The following EPS8 variants were observed in gnomAD, a reference collection of about 807,000 sequenced individuals.
EPS8 encodes epidermal growth factor receptor kinase substrate 8.
Under a neutral mutation model 103.8 loss-of-function variants are expected in EPS8, and 42 were observed. That is an observed-to-expected ratio of 0.40 (90% confidence interval 0.32 to 0.52). The LOEUF is 0.52. Ranked by LOEUF, EPS8 falls within the 20% of genes least tolerant of loss-of-function variation. The probability of loss-of-function intolerance (pLI) is 0.40; values close to 1 mark genes in which losing one functional copy is unlikely to be tolerated. For missense variants in EPS8, 969 were observed against 1,005.1 expected, an observed-to-expected ratio of 0.96 and a Z score of 0.49; for synonymous variants, 344 against 344.6, an observed-to-expected ratio of 1.00 and a Z score of 0.02.
At chr12:15,680,851 C>A (rs963264053) in intron 3 of EPS8, among the ~76,000 whole-genome samples, 10 of 151,888 alleles carry the variant, frequency 6.6e-5, no homozygotes, top group Non-Finnish European at 1.2e-4. Context: ...AATAATACCC[C>A]CCAAAATTCA....
At position 15,629,011 on chromosome 12, in the gene EPS8, A is replaced by G. The variant is rs1205214353; in HGVS notation, c.2044+2431T>C. ...ATATATTTATTTAATGCCAAACTGTATTTTTGAGATATTTTAAAAAGGAAC... is the reference window on the plus strand; with the variant it reads ...ATATATTTATTTAATGCCAAACTGTGTTTTTGAGATATTTTAAAAAGGAAC... On this transcript the variant is annotated intron_variant, in intron 18 of 20. Coordinates refer to ENST00000281172, the MANE Select transcript of EPS8 (RefSeq NM_004447.6). 4.9e-4 allele frequency among the ~76,000 whole-genome samples: 74 copies of G among 152,182 alleles called. 1 individual carries two copies. The highest frequency in any genetic ancestry group is 4.8e-3 in the Admixed American group (74 of 15,286).
Position 15,641,819 on chromosome 12 carries a change from G to C in EPS8, c.1580C>G (p.Pro527Arg). 6.4e-7 allele frequency: 1 copy of C among 1,555,046 alleles called. No homozygotes were observed. Among genetic ancestry groups the C allele is most frequent in the Non-Finnish European group, 8.8e-7 (1 of 1,140,342 alleles). Residue 527 changes from proline to arginine, a missense_variant, in exon 16 of 21, where the codon CCA (proline) becomes CGA (arginine). Transcript: ENST00000281172. Reference sequence around the variant, plus strand: ...ATATTTCTTGGGTTGTGTTTTGAGTGGTTCATAATTTCTATAAAAAGAAAG... The same window carrying C: ...ATATTTCTTGGGTTGTGTTTTGAGTCGTTCATAATTTCTATAAAAAGAAAG... ...SNRHIDRNYE[P>R]LKTQPKKYAK...
chr12:15,665,736 T>C lies in EPS8; in HGVS notation c.736+20A>G. ...ACCCAAAGTAAGTGTTCAATAAGTA[T>C]TAATTCTAGGAAGACTCACAGTCCC... On this transcript the variant is annotated intron_variant, in intron 8 of 20. Transcript: ENST00000281172. The C allele has an allele frequency of 1.2e-6, 2 of 1,612,950 alleles. No individual in the cohort carries two copies. The highest frequency in any genetic ancestry group is 1.1e-5 in the South Asian group (1 of 90,886).
Position 15,769,685 on chromosome 12 carries a change from CCAAA to C in EPS8, c.-22+19472_-22+19475del, listed in dbSNP as rs989815586. Among the ~76,000 whole-genome samples the C allele has an allele frequency of 2.6e-5, 4 of 152,098 alleles. No individual in the cohort carries two copies. The highest frequency in any genetic ancestry group is 6.5e-5 in the Admixed American group (1 of 15,270). On this transcript the variant is annotated intron_variant, in intron 1 of 20. Coordinates refer to ENST00000281172, the MANE Select transcript of EPS8 (RefSeq NM_004447.6). The surrounding 1 kb of genome is among the most constrained non-coding windows in gnomAD (Gnocchi z 4.6). ...ATTCAAGACTCTATTGAATTTCTCC[CCAAA>C]CAATGAACATCTCTATATAGTAACT...
At position 15,678,178 on chromosome 12, in the gene EPS8, A is replaced by T. The variant is rs190349866; in HGVS notation, c.136+3048T>A. Among the ~76,000 whole-genome samples the T allele has an allele frequency of 1.7e-3, 252 of 152,308 alleles. 1 individual carries two copies. The highest frequency in any genetic ancestry group is 4.4e-3 in the African/African-American group (183 of 41,572). ...AACACTCCCAAAGCTACCTAAAAAA[A>T]AACTTCAACTAGAATCTGTTTATTG... On this transcript the variant is annotated intron_variant, in intron 3 of 20. Transcript: ENST00000281172.
rs1946601358 is a variant in EPS8 at position 15,721,989 on chromosome 12, G to A, written c.-21-39017C>T. Among the ~76,000 whole-genome samples the A allele has an allele frequency of 1.3e-5, 2 of 149,328 alleles. No individual in the cohort carries two copies. The highest frequency in any genetic ancestry group is 4.9e-5 in the African/African-American group (2 of 40,640). ...GCATACATACTTTTTTTTTTCAAAG[G>A]GGGCTACTGTCTGTCTGGTTTTATA... On this transcript the variant is annotated intron_variant, in intron 1 of 20. Transcript: ENST00000281172. The surrounding 1 kb of genome is among the most constrained non-coding windows in gnomAD (Gnocchi z 4.4).
At chr12:15,664,926 A>G (rs1229807117) in intron 8 of EPS8, 1 of 152,218 alleles carries the variant, frequency 6.6e-6, no homozygotes, top group Non-Finnish European at 1.5e-5. Context: ...AAGTAACACT[A>G]AGTTCTATGT....
chr12:15,719,783 C>A (rs1347997070), intron 1 of EPS8, among the ~76,000 whole-genome samples: 2 of 152,100 alleles, frequency 1.3e-5, no homozygotes, highest in Non-Finnish European at 2.9e-5. Flanking sequence ...TTCTCCTAAC[C>A]AAGTCTTAAT....
rs1245927271 is a variant in EPS8, at chr12:15,749,357, C to A, written c.-22+39804G>T. On this transcript the variant is annotated intron_variant, in intron 1 of 20. Transcript: ENST00000281172. The surrounding 1 kb of genome is among the most constrained non-coding windows in gnomAD (Gnocchi z 4.0). ...TTCTTATTTGCTTGTCTATCACTTA[C>A]CCTGCACAGTATACTCAAGAGCAGG... Among the ~76,000 whole-genome samples the A allele has an allele frequency of 1.3e-5, 2 of 152,112 alleles. No homozygotes were observed. The highest frequency in any genetic ancestry group is 4.8e-5 in the African/African-American group (2 of 41,406).
intron 15 of EPS8, among the ~76,000 whole-genome samples, chr12:15,646,794 C>T (rs76828474): frequency 0.021 from 3,164 of 152,272 alleles, 136 homozygotes; most frequent in African/African-American, 0.073. Context: ...AGCTACAGAA[C>T]TGGAAGGATC....
chr12:15,647,426 ATACT>A (rs1358481102), intron 14 of EPS8, among the ~76,000 whole-genome samples, 166 bp from the exon 15 acceptor site: 1 of 152,226 alleles, frequency 6.6e-6, no homozygotes, highest in African/African-American at 2.4e-5. Context: ...TTTTTGTCAA[ATACT>A]TACTTATAAT....
chr12:15,680,321 A>T (rs1945982784), intron 3 of EPS8, among the ~76,000 whole-genome samples: 2 of 152,214 alleles, frequency 1.3e-5, no homozygotes, highest in Non-Finnish European at 2.9e-5. Context: ...TGGTTCCTAT[A>T]GCACATAATA....
chr12:15,656,759 A>G (rs1945514486), intron 12 of EPS8, among the ~76,000 whole-genome samples: 1 of 152,098 alleles, frequency 6.6e-6, no homozygotes, highest in Admixed American at 6.5e-5. Context: ...GATATGTTTA[A>G]AACTGAATTT....
At chr12:15,622,664 GCTCT>G (rs1169310903) in intron 20 of EPS8, among the ~76,000 whole-genome samples, 1 of 151,804 alleles carries the variant, frequency 6.6e-6, no homozygotes, top group Non-Finnish European at 1.5e-5. Flanking sequence ...ACTTTTCCAG[GCTCT>G]CTATTTTCAG....
Position 15,771,549 on chromosome 12 carries a change from C to A in EPS8, c.-22+17612G>T, listed in dbSNP as rs1317997978. On this transcript the variant is annotated intron_variant, in intron 1 of 20. Transcript: ENST00000281172. This position sits in a 1 kb window ranked among gnomAD's most constrained non-coding sequence, Gnocchi z 4.6. ...ACAGTGAAAAACTGAACAGAAGGGG[C>A]AAAGGCGAGGGTTAACTTTAATGTG... Among the ~76,000 whole-genome samples, 2 of 151,920 alleles carry A rather than the reference C, an allele frequency of 1.3e-5. No individual in the cohort carries two copies. The highest frequency in any genetic ancestry group is 4.8e-5 in the African/African-American group (2 of 41,364).
At chr12:15,677,591 C>A (rs1420218884) in intron 3 of EPS8, among the ~76,000 whole-genome samples, 5 of 152,168 alleles carry the variant, frequency 3.3e-5, no homozygotes, top group Non-Finnish European at 7.4e-5. Flanking sequence ...AACATGATTT[C>A]AACTCGTTTA....
chr12:15,621,480 C>G, intron 20 of EPS8, 50 bp from the exon 21 acceptor site: 1 of 999,128 alleles, frequency 1.0e-6, no homozygotes, highest in Non-Finnish European at 1.5e-6. Context: ...GTGCAGGCTG[C>G]AGGTCATATC....
chr12:15,738,376 T>C lies in EPS8; in HGVS notation c.-22+50785A>G, dbSNP rs1436381857. ...CTCCTATTCACCTAAGTTGTGAAGA[T>C]AAAGGATAAATAATATTGTTAGGAA... On this transcript the variant is annotated intron_variant, in intron 1 of 20. Coordinates refer to ENST00000281172, the MANE Select transcript of EPS8 (RefSeq NM_004447.6). The surrounding 1 kb of genome is among the most constrained non-coding windows in gnomAD (Gnocchi z 6.2). Among the ~76,000 whole-genome samples the C allele has an allele frequency of 5.3e-5, 8 of 152,166 alleles. No homozygotes were observed. The highest frequency in any genetic ancestry group is 1.7e-4 in the African/African-American group (7 of 41,436).
At chr12:15,692,503 G>T (rs955651477) in intron 1 of EPS8, among the ~76,000 whole-genome samples, 1 of 151,800 alleles carries the variant, frequency 6.6e-6, no homozygotes. Context: ...AAATGTTATG[G>T]TGCTATACAT....
Sources: allele counts gnomAD v4.1 joint callset (sites outside exome capture counted in the v4.1 genomes callset), GRCh38; gene constraint gnomAD v4.1.1; non-coding constraint Gnocchi (gnomAD v3.1); transcripts MANE v1.5; gene names NCBI Gene and HGNC (gene_info 2026-07-23, HGNC 2026-07-21).